Variants in SUGP2 observed in about 807,000 individuals in gnomAD.
The protein encoded by SUGP2 is SURP and G-patch domain containing 2, also known as SURP and G-patch domain-containing protein 2.
SUGP2 carries 24 observed loss-of-function variants against 90.5 expected under a neutral mutation model. The ratio of observed to expected loss-of-function variants is 0.27; its 90% CI spans 0.19 to 0.37. SUGP2 has a LOEUF of 0.37. Among genes scored for constraint, SUGP2 ranks in the 10% least tolerant of loss-of-function variants. The probability of loss-of-function intolerance (pLI) is 1.00; values close to 1 mark genes in which losing one functional copy is unlikely to be tolerated. For synonymous variants in SUGP2, 473 were observed against 513.4 expected, an observed-to-expected ratio of 0.92 and a Z score of 1.06; for missense variants, 1,233 against 1,363.3, an observed-to-expected ratio of 0.90 and a Z score of 1.51.
intron 2 of SUGP2, among the ~76,000 whole-genome samples, chr19:19,027,625 CT>C (rs968037083): frequency 1.8e-4 from 27 of 149,740 alleles, no homozygotes; most frequent in East Asian, 5.9e-4. Context: ...AGCTCTGACA[CT>C]TTTTTTTTTC....
intron 4 of SUGP2, among the ~76,000 whole-genome samples, chr19:19,018,706 A>AAG (rs1291996863): frequency 1.3e-5 from 2 of 151,920 alleles, no homozygotes; most frequent in African/African-American, 4.8e-5. Context: ...AAAAAAAAAA[A>AAG]AAGTTGTTCT....
chr19:18,994,185 G>T, intron 10 of SUGP2, 181 bp downstream of exon 10: 1 of 810,854 alleles, frequency 1.2e-6, no homozygotes, highest in Non-Finnish European at 1.9e-6. Context: ...AACCTGGAAG[G>T]TAAGAATGGG....
At chr19:19,033,651 A>G (rs2145822195), upstream of SUGP2, 2 of 984,438 alleles carry the variant, frequency 2.0e-6, no homozygotes, top group Non-Finnish European at 2.5e-6. Context: ...TTCTGGGCGG[A>G]CGCTCTGGAG....
intron 3 of SUGP2, among the ~76,000 whole-genome samples, chr19:19,022,122 C>G (rs764399654): frequency 1.2e-4 from 18 of 151,938 alleles, no homozygotes; most frequent in Non-Finnish European, 2.4e-4. Context: ...GTAGCTGGGA[C>G]TACAGGCACA....
chr19:19,022,109 C>T (rs143922874), intron 3 of SUGP2, among the ~76,000 whole-genome samples: 2,959 of 152,174 alleles, frequency 0.019, 100 homozygotes, highest in African/African-American at 0.068. Context: ...CTCAGCCTTC[C>T]GAGTAGCTGG....
intron 4 of SUGP2, among the ~76,000 whole-genome samples, chr19:19,010,743 C>A (rs1190370908): frequency 6.6e-6 from 1 of 152,170 alleles, no homozygotes; most frequent in East Asian, 1.9e-4. Flanking sequence ...ATGTGAACCA[C>A]AAGAGAACAT....
rs2145818071 is a variant in SUGP2 at position 19,033,435 on chromosome 19, AC to A, written c.-12+1del. On this transcript the variant is annotated splice_donor_variant, in intron 1 of 10. Transcript: ENST00000452918. LOFTEE classifies it low-confidence loss of function (5UTR_SPLICE). ...CCGACGACGCCAGGGCCCGGGCCTC[AC>A]CCCGAGACCACCGCGCGCGGAGCCA... 7.3e-7 allele frequency: 1 copy of A among 1,374,992 alleles called. No homozygotes were observed. Among genetic ancestry groups the A allele is most frequent in the Non-Finnish European group, 9.4e-7 (1 of 1,062,388 alleles). 85.2% of individuals were successfully genotyped at this position (1,374,992 alleles called of 1,614,324 possible). A position where few individuals can be genotyped will look rare whatever the true frequency, so the allele number is the denominator to read the frequency against.
At chr19:19,030,100 G>A (rs1393119140) in intron 2 of SUGP2, among the ~76,000 whole-genome samples, 2 of 151,798 alleles carry the variant, frequency 1.3e-5, no homozygotes, top group Non-Finnish European at 2.9e-5. Flanking sequence ...GATCACTTGA[G>A]CCCAGGAGTT....
chr19:19,019,063 T>C (rs2058609834), intron 4 of SUGP2, 46 bp downstream of exon 4: 2 of 1,589,746 alleles, frequency 1.3e-6, no homozygotes, highest in African/African-American at 1.3e-5. Context: ...AATTTTGCCA[T>C]ATACTCCATG....
intron 4 of SUGP2, among the ~76,000 whole-genome samples, chr19:19,014,640 A>G (rs1318797537): frequency 1.3e-5 from 2 of 151,916 alleles, no homozygotes; most frequent in Non-Finnish European, 1.5e-5. Flanking sequence ...AAAGAAAAAA[A>G]AAAAAAAGCT....
chr19:19,010,935 T>C (rs1337190990), intron 4 of SUGP2, among the ~76,000 whole-genome samples: 3 of 150,164 alleles, frequency 2.0e-5, no homozygotes, highest in Non-Finnish European at 3.0e-5. Context: ...AGCCCAGGAG[T>C]TCAAGACCAG....
chr19:19,004,560 G>A lies in SUGP2; in HGVS notation c.2537C>T (p.Ser846Phe). Residue 846 changes from serine (S) to phenylalanine (F), a missense_variant, in exon 7 of 11, where the codon TCT becomes TTT. Around this residue, in one of 8 missense-constraint regions of SUGP2, gnomAD observed 540 missense variants for 542.6 expected, o/e 1.00. Transcript: ENST00000452918. ...ACCACCAGTGTGAAGGTTGTGCGGA[G>A]ATGACGTGAAACAAATTGATGGACA... ...ELCPSICFTS[S>F]PHNLHTGGGD... 1.2e-6 allele frequency: 2 copies of A among 1,614,244 alleles called. No individual in the cohort carries two copies. The highest frequency in any genetic ancestry group is 2.7e-5 in the African/African-American group (2 of 75,064).
chr19:19,008,812 A>G (rs1287028740), intron 5 of SUGP2, among the ~76,000 whole-genome samples: 1 of 152,180 alleles, frequency 6.6e-6, no homozygotes, highest in Non-Finnish European at 1.5e-5. Flanking sequence ...ATCTCAGCTG[A>G]CAGCCTGGAC....
At position 19,025,063 on chromosome 19, in the gene SUGP2, T is replaced by C. The variant is rs775203546; in HGVS notation, c.1285A>G (p.Ile429Val). The C allele has an allele frequency of 4.3e-6, 7 of 1,614,256 alleles. No homozygotes were observed. Among genetic ancestry groups the C allele is most frequent in the Admixed American group, 1.7e-5 (1 of 60,028 alleles). ...FEIIKPFDKYIMRLQDRLLKS... is the reference protein window; with the variant it reads ...FEIIKPFDKYVMRLQDRLLKS... ...AGAAGCCGGTCTTGAAGTCTCATTA[T>C]GTACTTGTCAAAAGGCTTTATGATT... Residue 429 changes from isoleucine (I) to valine (V), a missense_variant, in exon 3 of 11, where the codon ATA becomes GTA. Physicochemically the swap from Ile to Val is conservative, Grantham distance 29. Coordinates refer to ENST00000452918, the MANE Select transcript of SUGP2 (RefSeq NM_001017392.5).
rs758002408 is a variant in SUGP2, at chr19:19,009,968, A to G, written c.2225T>C (p.Val742Ala). 5 of 1,614,038 alleles carry G rather than the reference A, an allele frequency of 3.1e-6. No individual in the cohort carries two copies. The highest frequency in any genetic ancestry group is 2.7e-5 in the African/African-American group (2 of 74,900). ...DAAKDCPPDPVGPSPQDPSLE... is the reference protein window; with the variant it reads ...DAAKDCPPDPAGPSPQDPSLE... ...GCTGGGGTCCTGAGGAGAAGGTCCA[A>G]CTGGGTCTGGCGGGCAGTCCTTGGC... The change falls in exon 5 of 11, where the codon GTT becomes GCT. Residue 742 changes from valine (V) to alanine (A), a missense_variant. By Grantham distance (64) the Val-to-Ala change is moderately conservative (BLOSUM62 0). This residue lies in a region of SUGP2 where 540 missense variants were observed against 542.6 expected (regional missense o/e 1.00). Transcript: ENST00000452918.
At chr19:19,031,992 CCTT>C (rs2059178592) in intron 1 of SUGP2, among the ~76,000 whole-genome samples, 1 of 151,766 alleles carries the variant, frequency 6.6e-6, no homozygotes, top group African/African-American at 2.4e-5. Flanking sequence ...GCAAGACAAA[CCTT>C]CTCTGGGCCC....
chr19:19,015,649 G>A (rs1288904412), intron 4 of SUGP2, among the ~76,000 whole-genome samples: 4 of 152,084 alleles, frequency 2.6e-5, no homozygotes, highest in Admixed American at 2.6e-4. Flanking sequence ...GATTACAGGC[G>A]CCTGTCACCA....
At chr19:19,028,456 TA>T (rs2059017877) in intron 2 of SUGP2, among the ~76,000 whole-genome samples, 2 of 152,310 alleles carry the variant, frequency 1.3e-5, no homozygotes, top group South Asian at 4.1e-4. Context: ...TCCACTGTGA[TA>T]ACCCAGGTAT....
chr19:19,016,199 T>A (rs901016188), intron 4 of SUGP2, among the ~76,000 whole-genome samples: 1 of 152,110 alleles, frequency 6.6e-6, no homozygotes, highest in Non-Finnish European at 1.5e-5. Context: ...CGGCTAATTT[T>A]TTTTTGTATT....
Sources: allele counts gnomAD v4.1 joint callset (sites outside exome capture counted in the v4.1 genomes callset), GRCh38; gene constraint gnomAD v4.1.1; regional missense constraint gnomAD v4.1.1; transcripts MANE v1.5; gene names NCBI Gene and HGNC (gene_info 2026-07-23, HGNC 2026-07-21).